The following VAV2 variants were observed in gnomAD, a reference collection of about 807,000 sequenced individuals.
VAV2 encodes the protein guanine nucleotide exchange factor VAV2.
Under a neutral mutation model 132.5 loss-of-function variants are expected in VAV2, and 67 were observed. That is an observed-to-expected ratio of 0.51 (90% confidence interval 0.42 to 0.62). The LOEUF is 0.62. VAV2 is among the 20% of genes least tolerant of loss of function. VAV2 has a pLI of 0.00. For synonymous variants in VAV2, 492 were observed against 443.5 expected (o/e 1.11, Z -1.37); for missense variants, 938 against 1,153.6 (o/e 0.81, Z 2.71).
intron 1 of VAV2, among the ~76,000 whole-genome samples, chr9:133,955,000 A>G (rs993128389): frequency 6.6e-6 from 1 of 152,046 alleles, no homozygotes; most frequent in Admixed American, 6.5e-5. Context: ...CAATGAATGC[A>G]AGTGCACTGA....
Position 133,834,468 on chromosome 9 carries a change from TG to T in VAV2, c.381-129del. ...AGCAAAGGGGCTCTTGTCCACTCTCTGGAAGGACACAGGGTGCGCGGACACT... is the reference window on the plus strand; with the variant it reads ...AGCAAAGGGGCTCTTGTCCACTCTCTGAAGGACACAGGGTGCGCGGACACT... On this transcript the variant is annotated intron_variant, in intron 3 of 29. Coordinates refer to ENST00000371850, the MANE Select transcript of VAV2 (RefSeq NM_001134398.2). The surrounding 1 kb of genome is among the most constrained non-coding windows in gnomAD (Gnocchi z 5.9). 1.1e-6 allele frequency: 1 copy of T among 931,982 alleles called. No individual in the cohort carries two copies. The highest frequency in any genetic ancestry group is 1.6e-6 in the Non-Finnish European group (1 of 617,048). The allele number at this position is 931,982 out of a possible 1,614,324, so 57.7% of individuals were successfully genotyped here. A position where few individuals can be genotyped will look rare whatever the true frequency, so the allele number is the denominator to read the frequency against.
chr9:133,886,365 GGGA>G (rs1838709334), intron 2 of VAV2, among the ~76,000 whole-genome samples: 1 of 152,210 alleles, frequency 6.6e-6, no homozygotes, highest in Non-Finnish European at 1.5e-5. Context: ...CCCTGCCACA[GGGA>G]GGTCCTTTAT....
chr9:133,845,839 G>C (rs1836913534), intron 3 of VAV2, among the ~76,000 whole-genome samples: 1 of 152,226 alleles, frequency 6.6e-6, no homozygotes, highest in Non-Finnish European at 1.5e-5. Flanking sequence ...CAGAGAGCAG[G>C]TTTCCAGGAG....
In VAV2 at chr9:133,840,722, C is replaced by G. The variant is rs1382453912; in HGVS notation, c.381-6382G>C. Among the ~76,000 whole-genome samples the G allele has an allele frequency of 6.6e-6, 1 of 152,234 alleles. No homozygotes were observed. Among genetic ancestry groups the G allele is most frequent in the Non-Finnish European group, 1.5e-5 (1 of 68,042 alleles). On this transcript the variant is annotated intron_variant, in intron 3 of 29. Transcript: ENST00000371850. The surrounding 1 kb of genome is among the most constrained non-coding windows in gnomAD (Gnocchi z 4.5). ...GGCTGGCATGGGCGGCCATTTGTCACTGATTCAGGGAGAAGGAACAGCTTG... is the reference window on the plus strand; with the variant it reads ...GGCTGGCATGGGCGGCCATTTGTCAGTGATTCAGGGAGAAGGAACAGCTTG...
In VAV2 at chr9:133,826,642, T is replaced by TC. The variant is rs1472647759; in HGVS notation, c.449+7629dup. Reference sequence around the variant, plus strand: ...AAGAGGCTCCAGGTCCAACCACCCCTCCCCCAGCCACCTAGGATGAAGCGG... The same window carrying TC: ...AAGAGGCTCCAGGTCCAACCACCCCTCCCCCCAGCCACCTAGGATGAAGCGG... On this transcript the variant is annotated intron_variant, in intron 4 of 29. Coordinates refer to ENST00000371850, the MANE Select transcript of VAV2 (RefSeq NM_001134398.2). This position sits in a 1 kb window ranked among gnomAD's most constrained non-coding sequence, Gnocchi z 4.2. 6.6e-6 allele frequency among the ~76,000 whole-genome samples: 1 copy of TC among 152,060 alleles called. No individual in the cohort carries two copies. Among genetic ancestry groups the TC allele is most frequent in the Non-Finnish European group, 1.5e-5 (1 of 67,988 alleles).
chr9:133,799,116 G>T (rs1834834911), intron 9 of VAV2, among the ~76,000 whole-genome samples: 1 of 152,252 alleles, frequency 6.6e-6, no homozygotes, highest in Non-Finnish European at 1.5e-5. Flanking sequence ...TGATGGTGGG[G>T]TCTTGATGCA....
chr9:133,876,710 C>A (rs1384343187), intron 2 of VAV2, among the ~76,000 whole-genome samples: 7 of 152,166 alleles, frequency 4.6e-5, no homozygotes, highest in African/African-American at 1.7e-4. Flanking sequence ...TCTAACCAGG[C>A]CAGGTGCACG....
rs902786482 is a variant in VAV2 at position 133,901,860 on chromosome 9, T to C, written c.321+37243A>G. 2.6e-5 allele frequency among the ~76,000 whole-genome samples: 4 copies of C among 152,332 alleles called. 1 individual carries two copies. In the East Asian group the frequency reaches 7.7e-4, roughly 29 times the overall value. ...GACGGGCCGATGGGGTCAGTGGCAA[T>C]GTGCCACCACCATCGGAGGGGGCTG... On this transcript the variant is annotated intron_variant, in intron 2 of 29. Coordinates refer to ENST00000371850, the MANE Select transcript of VAV2 (RefSeq NM_001134398.2).
intron 2 of VAV2, among the ~76,000 whole-genome samples, chr9:133,930,530 G>C (rs1176352208): frequency 6.6e-6 from 1 of 152,248 alleles, no homozygotes; most frequent in Non-Finnish European, 1.5e-5. Flanking sequence ...AGACAACTGT[G>C]CTGCGTGCAA....
At chr9:133,815,151 T>C (rs1453514897) in intron 4 of VAV2, among the ~76,000 whole-genome samples, 1 of 151,894 alleles carries the variant, frequency 6.6e-6, no homozygotes, top group Non-Finnish European at 1.5e-5. Flanking sequence ...GAAGCCCGGG[T>C]GGACCTAGAA....
intron 1 of VAV2, among the ~76,000 whole-genome samples, chr9:133,941,943 C>T (rs1209725209): frequency 6.6e-6 from 1 of 152,044 alleles, no homozygotes; most frequent in East Asian, 1.9e-4. Context: ...TCGTCAGATC[C>T]ACAGAGAGAA....
intron 1 of VAV2, among the ~76,000 whole-genome samples, chr9:133,977,286 G>T (rs1183326352): frequency 1.3e-5 from 2 of 152,362 alleles, no homozygotes; most frequent in East Asian, 1.9e-4. Context: ...AGATCTGAAG[G>T]GGGTCTTGGC....
In VAV2 at chr9:133,991,222, G is replaced by A. The variant is rs993270020; in HGVS notation, c.204+853C>T. Among the ~76,000 whole-genome samples, 9 of 151,960 alleles carry A rather than the reference G, an allele frequency of 5.9e-5. No individual in the cohort carries two copies. The highest frequency in any genetic ancestry group is 1.7e-4 in the African/African-American group (7 of 41,380). On this transcript the variant is annotated intron_variant, in intron 1 of 29. Transcript: ENST00000371850. This position sits in a 1 kb window ranked among gnomAD's most constrained non-coding sequence, Gnocchi z 4.8. ...ACCTCTTCTAAGCTGCTCCCGGTAA[G>A]GATTCCGCGACCCCCGGAGAACAGG... is the stretch of plus-strand genomic sequence containing the variant.
chr9:133,939,960 C>T (rs188401556), intron 1 of VAV2, among the ~76,000 whole-genome samples: 101 of 152,372 alleles, frequency 6.6e-4, no homozygotes, highest in African/African-American at 2.4e-3. Context: ...CTGCGCCTGA[C>T]GTGCCACAGG....
intron 2 of VAV2, among the ~76,000 whole-genome samples, chr9:133,881,875 G>C (rs1449399423): frequency 6.6e-6 from 1 of 152,210 alleles, no homozygotes; most frequent in Admixed American, 6.5e-5. Flanking sequence ...GGAGGGCGCA[G>C]ATCAGACACG....
chr9:133,775,388 T>C (rs1833777898), intron 24 of VAV2, among the ~76,000 whole-genome samples: 1 of 152,366 alleles, frequency 6.6e-6, no homozygotes. Flanking sequence ...GTTCAGCGTA[T>C]TCAGTAGATC....
At chr9:133,800,804 A>T (rs754168694) in intron 9 of VAV2, among the ~76,000 whole-genome samples, 4 of 152,184 alleles carry the variant, frequency 2.6e-5, no homozygotes, top group Non-Finnish European at 4.4e-5. Context: ...TCTACCGGGA[A>T]CACCCACATC....
intron 2 of VAV2, among the ~76,000 whole-genome samples, chr9:133,924,889 A>G (rs536057543): frequency 2.0e-5 from 3 of 152,246 alleles, no homozygotes; most frequent in Non-Finnish European, 4.4e-5. Flanking sequence ...TCAGTCACAA[A>G]AAGGAATGAC....
At chr9:133,828,349 C>G in intron 4 of VAV2, among the ~76,000 whole-genome samples, 1 of 20,040 alleles carries the variant, frequency 5.0e-5, no homozygotes, top group Non-Finnish European at 1.4e-4. Flanking sequence ...GGGCTGACCA[C>G]TGAGCACGGG....
Sources: allele counts gnomAD v4.1 joint callset (sites outside exome capture counted in the v4.1 genomes callset), GRCh38; gene constraint gnomAD v4.1.1; non-coding constraint Gnocchi (gnomAD v3.1); transcripts MANE v1.5; gene names NCBI Gene and HGNC (gene_info 2026-07-23, HGNC 2026-07-21).